SEMA3E: variants seen among roughly 807,000 people sequenced by gnomAD.
SEMA3E encodes the protein semaphorin-3E.
Under a neutral mutation model 93.6 loss-of-function variants are expected in SEMA3E, and 49 were observed. The observed-to-expected ratio is 0.52, with a 90% confidence interval of 0.42 to 0.66. The LOEUF (loss-of-function observed/expected upper bound fraction) is 0.66, where lower values mean the gene tolerates loss of function less well. Ranked by LOEUF, SEMA3E falls within the 30% of genes least tolerant of loss-of-function variation. The pLI, the probability that SEMA3E is intolerant of heterozygous loss-of-function variation, is 0.00. For synonymous variants in SEMA3E, 363 were observed against 330.7 expected (o/e 1.10, Z -1.06); for missense variants, 906 against 964.8 (o/e 0.94, Z 0.81).
intron 1 of SEMA3E, among the ~76,000 whole-genome samples, chr7:83,546,321 GGTGTGTGTGTGTGTGTGTGTGTGTGTGT>G (rs67647992): frequency 2.3e-5 from 3 of 129,406 alleles, no homozygotes; most frequent in African/African-American, 8.4e-5. Context: ...TATAATAAGG[GGTGTGTGTGTGTGTGTGTGTGTGTGTGT>G]GTGTGTGTGT....
At chr7:83,389,595 A>G (rs13226100) in intron 14 of SEMA3E, among the ~76,000 whole-genome samples, 104,355 of 150,070 alleles carry the variant, frequency 0.7, 40,633 homozygotes, top group South Asian at 0.88. Flanking sequence ...ATACATACAC[A>G]CATATATACA....
chr7:83,568,777 A>G (rs928181736), intron 1 of SEMA3E, among the ~76,000 whole-genome samples: 18 of 152,234 alleles, frequency 1.2e-4, no homozygotes, highest in African/African-American at 4.3e-4. Flanking sequence ...ACAGAATGAG[A>G]AAAAAGCTGA....
chr7:83,452,113 A>G (rs1481611819), intron 4 of SEMA3E, among the ~76,000 whole-genome samples: 1 of 137,396 alleles, frequency 7.3e-6, no homozygotes. Context: ...AATTATATCC[A>G]TATGTGTATG....
intron 1 of SEMA3E, chr7:83,616,727 C>CTTTT: frequency 2.4e-5 from 10 of 418,074 alleles, no homozygotes; most frequent in South Asian, 8.5e-5. Flanking sequence ...TTCTTTCTTT[C>CTTTT]TTTTTTTTTT....
chr7:83,402,554 G>T, intron 10 of SEMA3E, 78 bp downstream of exon 10: 1 of 1,334,498 alleles, frequency 7.5e-7, no homozygotes, highest in Non-Finnish European at 1.1e-6. Flanking sequence ...TATCTGCAAA[G>T]TCTTATGAAA....
intron 16 of SEMA3E, among the ~76,000 whole-genome samples, chr7:83,384,001 A>G (rs976768692): frequency 2.0e-5 from 3 of 152,042 alleles, no homozygotes; most frequent in Non-Finnish European, 2.9e-5. Context: ...TATGCTGTAC[A>G]TTTTTGGACA....
At chr7:83,511,823 G>A (rs1213664112) in intron 1 of SEMA3E, among the ~76,000 whole-genome samples, 1 of 152,032 alleles carries the variant, frequency 6.6e-6, no homozygotes, top group Non-Finnish European at 1.5e-5. Flanking sequence ...TGAACTCCGC[G>A]AGGCAGAGGT....
chr7:83,411,426 TC>T (rs1788437088), intron 5 of SEMA3E, among the ~76,000 whole-genome samples: 2 of 152,140 alleles, frequency 1.3e-5, no homozygotes, highest in African/African-American at 2.4e-5. Flanking sequence ...TGTTAGGTTT[TC>T]CTCAGAAGGG....
Position 83,405,929 on chromosome 7 carries a change from A to G in SEMA3E, c.928+16T>C. ...ATACATAAAAGAGCAAATTTAATTC[A>G]CCTAAAAACATTTACCTAATTCATC... On this transcript the variant is annotated intron_variant, in intron 8 of 16. Coordinates refer to ENST00000643230, the MANE Select transcript of SEMA3E (RefSeq NM_012431.3). The G allele has an allele frequency of 6.4e-7, 1 of 1,560,312 alleles. No individual in the cohort carries two copies. Among genetic ancestry groups the G allele is most frequent in the Non-Finnish European group, 8.8e-7 (1 of 1,131,398 alleles).
intron 14 of SEMA3E, among the ~76,000 whole-genome samples, chr7:83,392,149 T>C (rs955278432): frequency 4.6e-5 from 7 of 152,198 alleles, no homozygotes; most frequent in African/African-American, 1.7e-4. Context: ...TCATTAATTA[T>C]ACAGGTCATG....
chr7:83,441,897 A>G (rs949550440), intron 4 of SEMA3E, among the ~76,000 whole-genome samples: 1 of 152,234 alleles, frequency 6.6e-6, no homozygotes, highest in East Asian at 1.9e-4. Flanking sequence ...ATTTTTTTCC[A>G]AAGAAAAGAC....
At chr7:83,585,110 C>T (rs1792597507) in intron 1 of SEMA3E, among the ~76,000 whole-genome samples, 1 of 152,154 alleles carries the variant, frequency 6.6e-6, no homozygotes, top group African/African-American at 2.4e-5. Flanking sequence ...TTCCCTCCAT[C>T]TGCACAGCTG....
intron 11 of SEMA3E, among the ~76,000 whole-genome samples, chr7:83,398,310 C>T (rs1220228132): frequency 6.6e-6 from 1 of 152,138 alleles, no homozygotes; most frequent in Non-Finnish European, 1.5e-5. Context: ...AAATCACATA[C>T]TAGGTTGGTG....
intron 1 of SEMA3E, among the ~76,000 whole-genome samples, chr7:83,558,575 C>A (rs1022392579): frequency 6.6e-6 from 1 of 151,934 alleles, no homozygotes; most frequent in Non-Finnish European, 1.5e-5. Flanking sequence ...AAATAATAGA[C>A]CTATTAATAT....
At position 83,600,754 on chromosome 7, in the gene SEMA3E, A is replaced by C. The variant is rs547072564; in HGVS notation, c.115+47674T>G. Among the ~76,000 whole-genome samples, 3 of 152,198 alleles carry C rather than the reference A, an allele frequency of 2.0e-5. No homozygotes were observed. The East Asian group carries it at 5.8e-4, about 29-fold the overall frequency. ...AAGTCATCATCACAGATAAATAAAA[A>C]TAATAAGAAATGGGTGGAACGTGAT... On this transcript the variant is annotated intron_variant, in intron 1 of 16. Transcript: ENST00000643230.
intron 1 of SEMA3E, among the ~76,000 whole-genome samples, chr7:83,639,966 GA>G (rs897083116): frequency 6.6e-6 from 1 of 151,928 alleles, no homozygotes; most frequent in Non-Finnish European, 1.5e-5. Flanking sequence ...TCAGTGTTAG[GA>G]AAAAAGCAAT....
chr7:83,574,259 A>G (rs1792353749), intron 1 of SEMA3E, among the ~76,000 whole-genome samples: 1 of 152,184 alleles, frequency 6.6e-6, no homozygotes, highest in Admixed American at 6.5e-5. Flanking sequence ...ATAGATAGTC[A>G]AATGCCATTA....
chr7:83,454,122 G>A (rs1311941592), intron 4 of SEMA3E, among the ~76,000 whole-genome samples: 1 of 150,948 alleles, frequency 6.6e-6, no homozygotes, highest in Non-Finnish European at 1.5e-5. Context: ...GCCTGGCGTG[G>A]TGGCGGGCTC....
intron 5 of SEMA3E, among the ~76,000 whole-genome samples, chr7:83,413,822 G>A (rs1788489746): frequency 6.6e-6 from 1 of 152,174 alleles, no homozygotes. Flanking sequence ...ACCCATGGCT[G>A]TACTCTTGAG....
Sources: gnomAD v4.1 joint callset for allele counts (sites outside exome capture counted in the v4.1 genomes callset) on GRCh38, gnomAD v4.1.1 for gene constraint, MANE v1.5 for transcripts, NCBI Gene and HGNC (gene_info 2026-07-23, HGNC 2026-07-21) for gene names.